Variants in PTPRM observed in about 807,000 individuals in gnomAD.
PTPRM encodes receptor-type tyrosine-protein phosphatase mu.
A neutral mutation model predicts 186.7 loss-of-function variants in PTPRM; 47 were observed. The ratio of observed to expected loss-of-function variants is 0.25; its 90% confidence interval spans 0.20 to 0.32. The LOEUF is 0.32. Ranked by LOEUF, PTPRM falls within the 10% of genes least tolerant of loss-of-function variation. The pLI, the probability that PTPRM is intolerant of heterozygous loss-of-function variation, is 1.00. For missense variants in PTPRM, 1,494 were observed against 1,865.0 expected, an observed-to-expected ratio of 0.80 and a Z score of 3.66; for synonymous variants, 668 against 674.9, an observed-to-expected ratio of 0.99 and a Z score of 0.16.
chr18:8,070,129 C>T (rs956172406), intron 8 of PTPRM, 135 bp downstream of exon 8: 1 of 784,428 alleles, frequency 1.3e-6, no homozygotes, highest in Admixed American at 2.9e-5. Context: ...TATCTGTACT[C>T]TGTATTCTTA....
intron 20 of PTPRM, among the ~76,000 whole-genome samples, chr18:8,298,556 T>C (rs1027937152): frequency 5.3e-5 from 8 of 152,342 alleles, no homozygotes; most frequent in Admixed American, 3.3e-4. Flanking sequence ...TGAGATATAT[T>C]TTTGAATCAT....
rs115118425 is a variant in PTPRM, at chr18:8,040,400, A to G, written c.1133-29286A>G. Among the ~76,000 whole-genome samples the G allele has an allele frequency of 7.2e-3, 1,091 of 152,242 alleles. 10 individuals carry two copies. Among genetic ancestry groups the G allele is most frequent in the African/African-American group, 0.024 (1,011 of 41,544 alleles). On this transcript the variant is annotated intron_variant, in intron 7 of 32. Transcript: ENST00000580170. ...TGTAAGGTTGCATTGGGCTCATGGTATGGGTGCAATTATTAAAGTTATGTG... is the reference window on the plus strand; with the variant it reads ...TGTAAGGTTGCATTGGGCTCATGGTGTGGGTGCAATTATTAAAGTTATGTG...
intron 1 of PTPRM, among the ~76,000 whole-genome samples, chr18:7,619,986 G>T (rs2037898669): frequency 6.6e-6 from 1 of 152,256 alleles, no homozygotes; most frequent in African/African-American, 2.4e-5. Flanking sequence ...GGGCATGGAG[G>T]GTGCACAAGA....
intron 14 of PTPRM, among the ~76,000 whole-genome samples, chr18:8,153,737 G>T (rs1244202032): frequency 1.3e-5 from 2 of 152,148 alleles, no homozygotes; most frequent in Non-Finnish European, 2.9e-5. Flanking sequence ...AAGCAGAAAA[G>T]TTAAAGCATA....
chr18:7,744,354 G>T (rs1437915202), intron 1 of PTPRM, among the ~76,000 whole-genome samples: 2 of 151,932 alleles, frequency 1.3e-5, no homozygotes, highest in Non-Finnish European at 2.9e-5. Flanking sequence ...GGAAAAAAAG[G>T]TTCAATTATT....
chr18:8,236,654 A>G (rs906292110), intron 14 of PTPRM, among the ~76,000 whole-genome samples: 5 of 151,940 alleles, frequency 3.3e-5, no homozygotes, highest in African/African-American at 1.2e-4. Context: ...CAATCCTCCC[A>G]GCTCAGCCTC....
At chr18:8,002,098 T>A (rs1475640735) in intron 7 of PTPRM, among the ~76,000 whole-genome samples, 1 of 152,152 alleles carries the variant, frequency 6.6e-6, no homozygotes, top group African/African-American at 2.4e-5. Context: ...CGGTAATCCA[T>A]CCACTGACAT....
chr18:7,859,465 A>T (rs1389838352), intron 2 of PTPRM, among the ~76,000 whole-genome samples: 1 of 152,176 alleles, frequency 6.6e-6, no homozygotes, highest in Admixed American at 6.5e-5. Flanking sequence ...CCCAACTCTG[A>T]TGTCACTTGT....
chr18:7,728,514 G>A (rs960950080), intron 1 of PTPRM, among the ~76,000 whole-genome samples: 74 of 152,370 alleles, frequency 4.9e-4, no homozygotes, highest in African/African-American at 1.3e-3. Flanking sequence ...GCACATGTGG[G>A]CATGCCCAGG....
intron 20 of PTPRM, among the ~76,000 whole-genome samples, chr18:8,300,650 T>TG (rs2147914413): frequency 6.6e-6 from 1 of 152,308 alleles, no homozygotes; most frequent in Non-Finnish European, 1.5e-5. Context: ...CTTCTGTTTC[T>TG]GGGCATTGCG....
intron 2 of PTPRM, among the ~76,000 whole-genome samples, chr18:7,794,420 G>C (rs1030982190): frequency 7.2e-5 from 11 of 152,084 alleles, no homozygotes; most frequent in African/African-American, 2.4e-4. Context: ...TACTCCCCCT[G>C]TCATATACCC....
At chr18:8,315,750 C>T (rs2095304821) in intron 21 of PTPRM, among the ~76,000 whole-genome samples, 1 of 152,140 alleles carries the variant, frequency 6.6e-6, no homozygotes, top group South Asian at 2.1e-4. Flanking sequence ...AAGTAAATAG[C>T]ATCACAATCT....
At chr18:7,602,330 C>T (rs990581611) in intron 1 of PTPRM, among the ~76,000 whole-genome samples, 1 of 151,698 alleles carries the variant, frequency 6.6e-6, no homozygotes, top group Non-Finnish European at 1.5e-5. Context: ...TAGGGAGGCA[C>T]AAATTAAAAG....
intron 1 of PTPRM, among the ~76,000 whole-genome samples, chr18:7,717,026 T>C (rs2040349844): frequency 6.6e-6 from 1 of 152,192 alleles, no homozygotes; most frequent in South Asian, 2.1e-4. Context: ...CACATATGTT[T>C]ATTGCAGCAC....
intron 1 of PTPRM, among the ~76,000 whole-genome samples, chr18:7,765,300 G>A (rs2041967232): frequency 6.6e-6 from 1 of 152,148 alleles, no homozygotes; most frequent in Admixed American, 6.5e-5. Flanking sequence ...TCGGCAAATA[G>A]CACTTCTTAT....
intron 14 of PTPRM, among the ~76,000 whole-genome samples, chr18:8,190,551 TAATAC>T (rs2093697137): frequency 6.6e-6 from 1 of 152,234 alleles, no homozygotes; most frequent in Non-Finnish European, 1.5e-5. Context: ...AAGACAGAGA[TAATAC>T]AATCTGTTCA....
chr18:7,624,447 G>A lies in PTPRM; in HGVS notation c.73+56556G>A, dbSNP rs141186743. ...ATCCTAGTTCTACCTTTTTCTTGTCGTGTATCCTGGGCAAGTTTCTTAACC... is the reference window on the plus strand; with the variant it reads ...ATCCTAGTTCTACCTTTTTCTTGTCATGTATCCTGGGCAAGTTTCTTAACC... On this transcript the variant is annotated intron_variant, in intron 1 of 32. Coordinates refer to ENST00000580170, the MANE Select transcript of PTPRM (RefSeq NM_001105244.2). Among the ~76,000 whole-genome samples, 84 of 151,992 alleles carry A rather than the reference G, an allele frequency of 5.5e-4. 1 individual carries two copies. Among genetic ancestry groups the A allele is most frequent in the African/African-American group, 2.0e-3 (81 of 41,458 alleles).
At chr18:8,058,263 T>C (rs2088181677) in intron 7 of PTPRM, among the ~76,000 whole-genome samples, 1 of 20,468 alleles carries the variant, frequency 4.9e-5, no homozygotes, top group Non-Finnish European at 8.1e-5. Context: ...TTTTGAGAAG[T>C]GTCTGTTCAT....
chr18:8,286,699 G>A (rs1415571636), intron 19 of PTPRM, among the ~76,000 whole-genome samples: 1 of 152,132 alleles, frequency 6.6e-6, no homozygotes, highest in Non-Finnish European at 1.5e-5. Flanking sequence ...TTAAGAGTAG[G>A]CATTGAACTT....
Sources: allele counts gnomAD v4.1 joint callset (sites outside exome capture counted in the v4.1 genomes callset), GRCh38; gene constraint gnomAD v4.1.1; transcripts MANE v1.5; gene names NCBI Gene and HGNC (gene_info 2026-07-23, HGNC 2026-07-21).